Variants in CRAT observed in about 807,000 individuals in gnomAD.
CRAT encodes the protein carnitine O-acetyltransferase, also known as carnitine acetylase.
A neutral mutation model predicts 73.7 loss-of-function variants in CRAT; 66 were observed. That is an observed-to-expected ratio of 0.90 (90% CI 0.73 to 1.10). CRAT has a LOEUF of 1.10. Among genes scored for constraint, CRAT ranks in the 50% least tolerant of loss-of-function variants. The pLI, the probability that CRAT is intolerant of heterozygous loss-of-function variation, is 0.00. For synonymous variants in CRAT, 321 were observed against 343.2 expected (o/e 0.94, Z 0.71); for missense variants, 745 against 846.9 (o/e 0.88, Z 1.49).
rs370724037 is a variant in CRAT at position 129,102,494 on chromosome 9, G to A, written c.536C>T (p.Ser179Phe). ...CMNQYYQILS[S>F]CRVPGPKQDT... ...CTGCTTGGGGCCCGGCACTCGGCAG[G>A]AGGACAAGATCTGATAGTACTGGTT... Residue 179 changes from serine (S) to phenylalanine (F), a missense_variant, in exon 5 of 14, where the codon TCC becomes TTC. Ser to Phe is a radical substitution (Grantham distance 155, BLOSUM62 -2). Transcript: ENST00000318080. The A allele has an allele frequency of 5.0e-6, 8 of 1,614,058 alleles. No individual in the cohort carries two copies. The highest frequency in any genetic ancestry group is 2.2e-5 in the East Asian group (1 of 44,892).
rs1487166080 is a variant in CRAT at position 129,102,486 on chromosome 9, C to T, written c.544G>A (p.Val182Met). 6.2e-7 allele frequency: 1 copy of T among 1,614,128 alleles called. No homozygotes were observed. The highest frequency in any genetic ancestry group is 8.5e-7 in the Non-Finnish European group (1 of 1,180,002). Residue 182 changes from valine (V) to methionine (M), a missense_variant, in exon 5 of 14, where the codon GTG becomes ATG. Val to Met is a conservative substitution (Grantham distance 21). Coordinates refer to ENST00000318080, the MANE Select transcript of CRAT (RefSeq NM_000755.5). Reference sequence around the variant, plus strand: ...ACTGTGTCCTGCTTGGGGCCCGGCACTCGGCAGGAGGACAAGATCTGATAG... The same window carrying T: ...ACTGTGTCCTGCTTGGGGCCCGGCATTCGGCAGGAGGACAAGATCTGATAG... The part of the protein sequence containing the change: ...QYYQILSSCR[V>M]PGPKQDTVSN...
Position 129,102,444 on chromosome 9 carries a change from T to C in CRAT, c.586A>G (p.Thr196Ala). Residue 196 changes from threonine to alanine, a missense_variant, in exon 5 of 14, where the codon ACC (threonine) becomes GCC (alanine). Coordinates refer to ENST00000318080, the MANE Select transcript of CRAT (RefSeq NM_000755.5). ...GTGATGTGCGTGGGAGGCTTCTTGG[T>C]CTTGCTGAAGTTGCTGACTGTGTCC... ...KQDTVSNFSK[T>A]KKPPTHITVV... 6.2e-7 allele frequency: 1 copy of C among 1,614,118 alleles called. No individual in the cohort carries two copies. Among genetic ancestry groups the C allele is most frequent in the Non-Finnish European group, 8.5e-7 (1 of 1,180,002 alleles).
chr9:129,095,211 G>A lies in CRAT; in HGVS notation c.*186C>T. 1.5e-6 allele frequency: 1 copy of A among 659,366 alleles called. No individual in the cohort carries two copies. The highest frequency in any genetic ancestry group is 2.6e-6 in the Non-Finnish European group (1 of 390,852). 40.8% of individuals were successfully genotyped at this position (659,366 alleles called of 1,614,324 possible). On this transcript the variant is annotated 3_prime_UTR_variant, in exon 14 of 14. Coordinates refer to ENST00000318080, the MANE Select transcript of CRAT (RefSeq NM_000755.5). Reference sequence around the variant, plus strand: ...GTCGGGCCCTGGCAGGTGCTGGGATGACCCACGGAAGGCACTTGGCTGGGG... The same window carrying A: ...GTCGGGCCCTGGCAGGTGCTGGGATAACCCACGGAAGGCACTTGGCTGGGG...
intron 9 of CRAT, 37 bp from the exon 10 acceptor site, chr9:129,098,408 C>T (rs535503674): frequency 8.1e-6 from 13 of 1,609,002 alleles, no homozygotes; most frequent in South Asian, 1.1e-5. Flanking sequence ...GAGCAGGCCC[C>T]GGCAGCCCCT....
chr9:129,107,755 A>G lies in CRAT; in HGVS notation c.291+59T>C. On this transcript the variant is annotated intron_variant, in intron 2 of 13. Coordinates refer to ENST00000318080, the MANE Select transcript of CRAT (RefSeq NM_000755.5). This position sits in a 1 kb window ranked among gnomAD's most constrained non-coding sequence, Gnocchi z 5.0. The stretch of plus-strand genomic sequence containing the variant: ...GAACGGCCGTGCCAGAGCAGTGGGC[A>G]CTGGAGAACTGTGCATGTGCAGCCA... The G allele has an allele frequency of 1.2e-6, 2 of 1,610,488 alleles. No individual in the cohort carries two copies. The highest frequency in any genetic ancestry group is 1.7e-6 in the Non-Finnish European group (2 of 1,177,802).
chr9:129,097,884 TTC>T (rs1847380517), intron 11 of CRAT, 127 bp downstream of exon 11: 9 of 1,348,366 alleles, frequency 6.7e-6, no homozygotes, highest in Non-Finnish European at 9.1e-6. Flanking sequence ...CGGCTCCAGC[TTC>T]TGTTAGATTC....
At chr9:129,102,191 A>C in intron 5 of CRAT, 134 bp from the exon 6 acceptor site, 1 of 1,198,630 alleles carries the variant, frequency 8.3e-7, no homozygotes, top group Non-Finnish European at 1.2e-6. Flanking sequence ...TGAGAGGGGG[A>C]GGAGGTCCTT....
chr9:129,108,310 G>T, intron 1 of CRAT: 1 of 1,140,234 alleles, frequency 8.8e-7, no homozygotes, highest in Non-Finnish European at 1.2e-6. Flanking sequence ...TCTTAGCAAG[G>T]CTCAGGGGAA....
chr9:129,109,147 G>A (rs1296681886), intron 1 of CRAT: 1 of 1,304,028 alleles, frequency 7.7e-7, no homozygotes, highest in Non-Finnish European at 1.0e-6. Flanking sequence ...TCAGTGCCAG[G>A]GAGTCAGGAC....
At position 129,107,880 on chromosome 9, in the gene CRAT, G is replaced by C. The variant is rs781364863; in HGVS notation, c.225C>G (p.Ala75=). 1.2e-6 allele frequency: 2 copies of C among 1,612,212 alleles called. No homozygotes were observed. The highest frequency in any genetic ancestry group is 1.7e-6 in the Non-Finnish European group (2 of 1,179,956). ...HTKQLVDEFQ[A]SGGVGERLQK... ...GCAGGCGCTCCCCTACACCTCCTGAGGCCTGAAACTCATCCACCAGCTGCT... is the reference window on the plus strand; with the variant it reads ...GCAGGCGCTCCCCTACACCTCCTGACGCCTGAAACTCATCCACCAGCTGCT... Residue 75 remains alanine (A), a synonymous_variant, in exon 2 of 14, where the codon GCC becomes GCG. Coordinates refer to ENST00000318080, the MANE Select transcript of CRAT (RefSeq NM_000755.5). The surrounding 1 kb of genome is among the most constrained non-coding windows in gnomAD (Gnocchi z 5.0).
chr9:129,095,308 G>T lies in CRAT; in HGVS notation c.*89C>A. 7.2e-7 allele frequency: 1 copy of T among 1,387,450 alleles called. No homozygotes were observed. The highest frequency in any genetic ancestry group is 1.0e-6 in the Non-Finnish European group (1 of 1,000,558). 85.9% of individuals were successfully genotyped at this position (1,387,450 alleles called of 1,614,324 possible). ...GGGGACCAGGGAAGAGGGAACCAAG[G>T]AAGAGGGAACCAAGGAGCTGAGCCC... On this transcript the variant is annotated 3_prime_UTR_variant, in exon 14 of 14. Transcript: ENST00000318080.
Position 129,101,962 on chromosome 9 carries a change from C to CT in CRAT, c.725dup (p.Thr243AspfsTer211), listed in dbSNP as rs781242582. On this transcript the variant is annotated frameshift_variant, in exon 6 of 14. Transcript: ENST00000318080. LOFTEE classifies it high-confidence loss of function. ...GGATGCCCACAGGCTCCTTGTTGGT[C>CT]TGTAGGGATGAGTTCCAGATCTTCT... 27 of 1,614,176 alleles carry CT rather than the reference C, an allele frequency of 1.7e-5. 1 individual carries two copies. The South Asian group carries it at 3.0e-4, about 18-fold the overall frequency.
intron 2 of CRAT, among the ~76,000 whole-genome samples, chr9:129,105,343 G>A (rs1250884325): frequency 6.6e-6 from 1 of 151,704 alleles, no homozygotes; most frequent in Non-Finnish European, 1.5e-5. Flanking sequence ...TTTTTTTTGA[G>A]ACAGGGTCTC....
chr9:129,097,121 C>T, intron 12 of CRAT, 129 bp downstream of exon 12: 3 of 731,434 alleles, frequency 4.1e-6, no homozygotes, highest in Non-Finnish European at 6.4e-6. Context: ...TCCAGGTGCT[C>T]CCAGGTTGGG....
chr9:129,098,421 C>T (rs777509069), intron 9 of CRAT, 50 bp from the exon 10 acceptor site: 15 of 1,606,682 alleles, frequency 9.3e-6, no homozygotes, highest in Non-Finnish European at 8.5e-6. Context: ...CAGCCCCTGC[C>T]AACCCCACGG....
chr9:129,106,395 G>A lies in CRAT; in HGVS notation c.291+1419C>T, dbSNP rs892022175. Among the ~76,000 whole-genome samples the A allele has an allele frequency of 6.6e-6, 1 of 152,156 alleles. No homozygotes were observed. Among genetic ancestry groups the A allele is most frequent in the Non-Finnish European group, 1.5e-5 (1 of 68,014 alleles). ...ACAGCCAGGGGCCTGTACTCCACTA[G>A]GGATCCCAGAGCCTCTGGCCAAAGC... On this transcript the variant is annotated intron_variant, in intron 2 of 13. Transcript: ENST00000318080. This position sits in a 1 kb window ranked among gnomAD's most constrained non-coding sequence, Gnocchi z 4.0.
rs1015332607 is a variant in CRAT at position 129,108,143 on chromosome 9, G to A, written c.28-66C>T. On this transcript the variant is annotated intron_variant, in intron 1 of 13. Coordinates refer to ENST00000318080, the MANE Select transcript of CRAT (RefSeq NM_000755.5). ...CTGGAGCCCTGGCAGCCCCAAAGCT[G>A]TAGTCCTGGGCACTTAAGTGCCCAT... is the stretch of plus-strand genomic sequence containing the variant. 7.4e-6 allele frequency: 11 copies of A among 1,487,560 alleles called. No individual in the cohort carries two copies. In the African/African-American group the frequency reaches 1.3e-4, roughly 17 times the overall value. 92.1% of individuals were successfully genotyped at this position (1,487,560 alleles called of 1,614,324 possible).
chr9:129,102,943 G>T, intron 4 of CRAT, 70 bp downstream of exon 4: 2 of 1,413,374 alleles, frequency 1.4e-6, no homozygotes, highest in South Asian at 1.1e-5. Flanking sequence ...CAGGGCTGGG[G>T]TCAGAGGTGG....
At position 129,098,168 on chromosome 9, in the gene CRAT, A is replaced by T. The variant is rs1329994746; in HGVS notation, c.1329-20T>A. On this transcript the variant is annotated intron_variant, in intron 10 of 13. Coordinates refer to ENST00000318080, the MANE Select transcript of CRAT (RefSeq NM_000755.5). ...TAGATCCTGGTGGGAAATGGGGCTA[A>T]GCACGCCCCTTGGAGGCGGGCACCC... 6.2e-7 allele frequency: 1 copy of T among 1,613,306 alleles called. No homozygotes were observed. Among genetic ancestry groups the T allele is most frequent in the Non-Finnish European group, 8.5e-7 (1 of 1,179,760 alleles).
Sources: gnomAD v4.1 joint callset for allele counts (sites outside exome capture counted in the v4.1 genomes callset) on GRCh38, gnomAD v4.1.1 for gene constraint, Gnocchi (gnomAD v3.1) non-coding constraint, MANE v1.5 for transcripts, NCBI Gene and HGNC (gene_info 2026-07-23, HGNC 2026-07-21) for gene names.